Variants in TRANK1 observed in about 807,000 individuals in gnomAD.
TRANK1 encodes the protein tetratricopeptide repeat and ankyrin repeat containing 1, also known as TPR and ankyrin repeat-containing protein 1.
A neutral mutation model predicts 266.0 loss-of-function variants in TRANK1; 198 were observed. The observed-to-expected ratio is 0.74, with a 90% CI of 0.66 to 0.84. The LOEUF (loss-of-function observed/expected upper bound fraction) is 0.84, where lower values mean the gene tolerates loss of function less well. Among genes scored for constraint, TRANK1 ranks in the 40% least tolerant of loss-of-function variants. TRANK1 has a pLI of 0.00. For synonymous variants in TRANK1, 1,396 were observed against 1,384.1 expected (o/e 1.01, Z -0.19); for missense variants, 3,326 against 3,634.6 (o/e 0.92, Z 2.18).
intron 7 of TRANK1, among the ~76,000 whole-genome samples, chr3:36,890,905 T>C (rs1336617760): frequency 6.6e-6 from 1 of 152,178 alleles, no homozygotes; most frequent in African/African-American, 2.4e-5. Context: ...GTAGACACAA[T>C]GGGGAATCAT....
At chr3:36,933,247 G>A (rs925623697) in intron 1 of TRANK1, among the ~76,000 whole-genome samples, 3 of 152,222 alleles carry the variant, frequency 2.0e-5, no homozygotes, top group Middle Eastern at 6.3e-3. Flanking sequence ...CCTGAACCCA[G>A]CCAATGGGGA....
intron 13 of TRANK1, 101 bp from the exon 14 acceptor site, chr3:36,852,446 G>A: frequency 8.9e-7 from 1 of 1,127,876 alleles, no homozygotes; most frequent in Non-Finnish European, 1.2e-6. Context: ...AGCAGGTTTG[G>A]CCCCTACAGT....
At chr3:36,936,008 GA>G (rs146385961) in intron 1 of TRANK1, among the ~76,000 whole-genome samples, 7,778 of 152,274 alleles carry the variant, frequency 0.051, 266 homozygotes, top group African/African-American at 0.084. Context: ...AAAACAAAGG[GA>G]AAAGGTGTAT....
At chr3:36,922,725 G>A (rs11715554) in intron 1 of TRANK1, among the ~76,000 whole-genome samples, 47,217 of 150,742 alleles carry the variant, frequency 0.31, 8,460 homozygotes, top group Non-Finnish European at 0.42. Context: ...GCAGTGAGCC[G>A]AGATCACACC....
At chr3:36,829,241 T>C (rs756079473) in intron 23 of TRANK1, among the ~76,000 whole-genome samples, 1 of 152,202 alleles carries the variant, frequency 6.6e-6, no homozygotes, top group African/African-American at 2.4e-5. Context: ...TCTCAAGGGA[T>C]AGCTTCACAA....
intron 1 of TRANK1, among the ~76,000 whole-genome samples, chr3:36,933,953 C>A (rs1371604883): frequency 1.3e-5 from 2 of 152,210 alleles, no homozygotes; most frequent in Non-Finnish European, 2.9e-5. Context: ...ATAGCCCCAA[C>A]TCTTTCCACT....
intron 4 of TRANK1, among the ~76,000 whole-genome samples, chr3:36,896,996 A>G (rs185204482): frequency 6.6e-6 from 1 of 151,108 alleles, no homozygotes; most frequent in East Asian, 2.0e-4. Flanking sequence ...CTCCATCTCA[A>G]AAAAAATATA....
Position 36,904,700 on chromosome 3 carries a change from C to A in TRANK1, c.156-1425G>T, listed in dbSNP as rs559484920. The stretch of plus-strand genomic sequence containing the variant: ...TGGCTTCTTTCATGGCCCAACATTC[C>A]CTCTAGGTGAAGGGATGAGGCCCCA... On this transcript the variant is annotated intron_variant, in intron 2 of 23. Coordinates refer to ENST00000645898, the MANE Select transcript of TRANK1 (RefSeq NM_001329998.2). 3.3e-5 allele frequency among the ~76,000 whole-genome samples: 5 copies of A among 152,178 alleles called. No individual in the cohort carries two copies. In the East Asian group the frequency reaches 5.8e-4, roughly 18 times the overall value.
In TRANK1 at chr3:36,911,083, C is replaced by T. The variant is rs115973078; in HGVS notation, c.24-2629G>A. The stretch of plus-strand genomic sequence containing the variant: ...TAACTCCATCTGGAAAAAAAAAAAT[C>T]GTGTTGTAAAAGAACATTTAATGAC... On this transcript the variant is annotated intron_variant, in intron 1 of 23. Coordinates refer to ENST00000645898, the MANE Select transcript of TRANK1 (RefSeq NM_001329998.2). Among the ~76,000 whole-genome samples, 1,453 of 151,884 alleles carry T rather than the reference C, an allele frequency of 9.6e-3. 27 individuals carry two copies. The highest frequency in any genetic ancestry group is 0.034 in the African/African-American group (1,391 of 41,414).
At position 36,833,045 on chromosome 3, in the gene TRANK1, T is replaced by C; in HGVS notation, c.6538A>G (p.Thr2180Ala). The change falls in exon 22 of 24, where the codon ACA (threonine) becomes GCA (alanine). Residue 2180 changes from threonine (T) to alanine (A), a missense_variant. Transcript: ENST00000645898. ...KHLLGRLCQI[T>A]RSLLGKTYRG... ...TAGGTCTTCCCAAGCAGGCTCCGTG[T>C]GATCTGACACAGCCTGCCCAAAAGG... is the stretch of plus-strand genomic sequence containing the variant. 2 of 1,613,070 alleles carry C rather than the reference T, an allele frequency of 1.2e-6. No individual in the cohort carries two copies. The highest frequency in any genetic ancestry group is 2.2e-5 in the South Asian group (2 of 90,866).
intron 1 of TRANK1, among the ~76,000 whole-genome samples, chr3:36,944,278 G>C (rs1291035954): frequency 6.6e-6 from 1 of 152,142 alleles, no homozygotes; most frequent in African/African-American, 2.4e-5. Context: ...GGCGGGCAGG[G>C]AAGAAGGCCT....
intron 8 of TRANK1, among the ~76,000 whole-genome samples, chr3:36,888,277 T>A (rs1165414315): frequency 6.6e-6 from 1 of 152,268 alleles, no homozygotes; most frequent in Non-Finnish European, 1.5e-5. Context: ...TTACATGAAA[T>A]ATCCAGAATA....
intron 1 of TRANK1, among the ~76,000 whole-genome samples, chr3:36,944,484 C>G (rs1157162392): frequency 6.6e-6 from 1 of 152,188 alleles, no homozygotes; most frequent in Non-Finnish European, 1.5e-5. Context: ...GAGGTGGGCC[C>G]GAGAGCTGCG....
Position 36,889,274 on chromosome 3 carries a change from GC to G in TRANK1, c.907+554del, listed in dbSNP as rs199594392. Among the ~76,000 whole-genome samples, 1,177 of 152,280 alleles carry G rather than the reference GC, an allele frequency of 7.7e-3. 9 individuals carry two copies. The highest frequency in any genetic ancestry group is 0.034 in the Middle Eastern group (10 of 292). On this transcript the variant is annotated intron_variant, in intron 8 of 23. Coordinates refer to ENST00000645898, the MANE Select transcript of TRANK1 (RefSeq NM_001329998.2). ...CAAGAAAAATGAGTGACATCAGAGA[GC>G]TCTGAGAGAGTGAACACAGCCTTCC...
At chr3:36,939,426 C>A (rs2080467788) in intron 1 of TRANK1, among the ~76,000 whole-genome samples, 1 of 152,192 alleles carries the variant, frequency 6.6e-6, no homozygotes, top group African/African-American at 2.4e-5. Context: ...AGGGCTGGGA[C>A]TAGTCCCAAA....
intron 5 of TRANK1, among the ~76,000 whole-genome samples, chr3:36,894,180 G>C (rs1273590313): frequency 6.6e-6 from 1 of 152,104 alleles, no homozygotes; most frequent in Non-Finnish European, 1.5e-5. Flanking sequence ...TGACTGGCTG[G>C]GATAATAATC....
In TRANK1 at chr3:36,855,858, C is replaced by A; in HGVS notation, c.3864G>T (p.Trp1288Cys). 2.5e-6 allele frequency: 4 copies of A among 1,613,656 alleles called. No individual in the cohort carries two copies. Among genetic ancestry groups the A allele is most frequent in the Non-Finnish European group, 3.4e-6 (4 of 1,179,846 alleles). ...SAQEESTIPS[W>C]QEDEEEAEVD... ...CCTCAGCCTCCTCTTCATCCTCTTG[C>A]CAACTAGGAATGGTTGACTCTTCCT... The change falls in exon 13 of 24, where the codon TGG (tryptophan) becomes TGT (cysteine). Residue 1288 changes from tryptophan (W) to cysteine (C), a missense_variant. Trp to Cys is a radical substitution (Grantham distance 215, BLOSUM62 -2). Coordinates refer to ENST00000645898, the MANE Select transcript of TRANK1 (RefSeq NM_001329998.2).
At chr3:36,910,013 C>T (rs1178584589) in intron 1 of TRANK1, among the ~76,000 whole-genome samples, 1 of 152,150 alleles carries the variant, frequency 6.6e-6, no homozygotes, top group Admixed American at 6.5e-5. Flanking sequence ...CATGGTCAAA[C>T]AACTGAAACA....
At chr3:36,903,522 T>C (rs1270647091) in intron 2 of TRANK1, among the ~76,000 whole-genome samples, 2 of 152,246 alleles carry the variant, frequency 1.3e-5, no homozygotes, top group Non-Finnish European at 2.9e-5. Context: ...TCTCAACAGG[T>C]TGGTTCCATC....
Sources: gnomAD v4.1 joint callset for allele counts (sites outside exome capture counted in the v4.1 genomes callset) on GRCh38, gnomAD v4.1.1 for gene constraint, MANE v1.5 for transcripts, NCBI Gene and HGNC (gene_info 2026-07-23, HGNC 2026-07-21) for gene names.